Variants in RPH3AL observed in about 807,000 individuals in gnomAD.
The protein encoded by RPH3AL is rabphilin 3A like (without C2 domains).
A neutral mutation model predicts 43.1 loss-of-function variants in RPH3AL; 38 were observed. That is an observed-to-expected ratio of 0.88 (90% confidence interval 0.68 to 1.15). RPH3AL has a LOEUF of 1.15. Among genes scored for constraint, RPH3AL ranks in the 50% most tolerant of loss-of-function variants. RPH3AL has a pLI of 0.00. For synonymous variants in RPH3AL, 189 were observed against 176.3 expected (o/e 1.07, Z -0.57); for missense variants, 462 against 423.2 (o/e 1.09, Z -0.81).
intron 6 of RPH3AL, among the ~76,000 whole-genome samples, chr17:263,794 G>C (rs1341707820): frequency 6.6e-6 from 1 of 152,174 alleles, no homozygotes; most frequent in African/African-American, 2.4e-5. Context: ...GAGAACGTCG[G>C]TATGAGTTGG....
intron 6 of RPH3AL, among the ~76,000 whole-genome samples, chr17:250,232 ACCTCTCAGAGCCTTTACCAAGCTCCGTCG>A (rs2041863999): frequency 8.1e-6 from 1 of 123,930 alleles, no homozygotes; most frequent in Admixed American, 8.5e-5. Flanking sequence ...TCGCTGCGGG[ACCTCTCAGAGCCTTTACCAAGCTCCGTCG>A]CTGCGGGACC....
intron 6 of RPH3AL, among the ~76,000 whole-genome samples, chr17:276,838 G>A (rs1421219136): frequency 6.6e-6 from 1 of 152,090 alleles, no homozygotes; most frequent in Non-Finnish European, 1.5e-5. Flanking sequence ...GTGGCTGGTG[G>A]ACAACAGGGG....
At position 302,453 on chromosome 17, in the gene RPH3AL, C is replaced by T. The variant is rs142084904; in HGVS notation, c.351+16967G>A. Among the ~76,000 whole-genome samples, 87 of 152,324 alleles carry T rather than the reference C, an allele frequency of 5.7e-4. 1 individual carries two copies. The East Asian group carries it at 0.016, about 28-fold the overall frequency. ...AGGGAATGAACTTGAGCCACGCCTT[C>T]AGCTGGATTTCAGACGTGGGCAGGT... On this transcript the variant is annotated intron_variant, in intron 5 of 9. Transcript: ENST00000331302.
At chr17:219,141 C>T (rs143514404) in intron 8 of RPH3AL, among the ~76,000 whole-genome samples, 2 of 148,242 alleles carry the variant, frequency 1.3e-5, no homozygotes, top group Non-Finnish European at 3.0e-5. Flanking sequence ...TGGACACCCA[C>T]TGGGAAGCAG....
chr17:221,261 C>A (rs34424195), intron 7 of RPH3AL, among the ~76,000 whole-genome samples: 625 of 2,816 alleles, frequency 0.22, no homozygotes, highest in Non-Finnish European at 0.27. Context: ...TAGACCCAAG[C>A]ACAACAGCTC....
intron 7 of RPH3AL, among the ~76,000 whole-genome samples, chr17:226,047 C>T (rs746743380): frequency 3.3e-5 from 5 of 152,202 alleles, no homozygotes; most frequent in African/African-American, 9.6e-5. Flanking sequence ...TGTTATGAGT[C>T]GTGCATTTTA....
At position 289,493 on chromosome 17, in the gene RPH3AL, C is replaced by A. The variant is rs1482758871; in HGVS notation, c.352-7639G>T. ...CAAGGCCGCCCAGCAGATCTCTCTA[C>A]CCCACCGCGCTGTCCTCCAGCTGGT... On this transcript the variant is annotated intron_variant, in intron 5 of 9. Transcript: ENST00000331302. This position sits in a 1 kb window ranked among gnomAD's most constrained non-coding sequence, Gnocchi z 5.2. Among the ~76,000 whole-genome samples the A allele has an allele frequency of 1.3e-5, 2 of 152,172 alleles. No homozygotes were observed. Among genetic ancestry groups the A allele is most frequent in the Non-Finnish European group, 2.9e-5 (2 of 68,042 alleles).
At chr17:252,079 C>T (rs781982673) in intron 6 of RPH3AL, among the ~76,000 whole-genome samples, 2 of 151,588 alleles carry the variant, frequency 1.3e-5, no homozygotes, top group African/African-American at 2.4e-5. Context: ...TCAGGTGATC[C>T]TCCCACCTCA....
intron 6 of RPH3AL, among the ~76,000 whole-genome samples, chr17:252,530 G>A (rs534036786): frequency 1.8e-4 from 27 of 152,212 alleles, no homozygotes; most frequent in African/African-American, 5.8e-4. Flanking sequence ...CAGAGCAGTC[G>A]TTCCGAACTC....
intron 7 of RPH3AL, chr17:234,609 C>G: frequency 6.4e-6 from 1 of 155,104 alleles, no homozygotes; most frequent in Non-Finnish European, 1.4e-5. Flanking sequence ...ACAGACGGCA[C>G]CCACCTCCTG....
intron 7 of RPH3AL, among the ~76,000 whole-genome samples, chr17:241,596 T>C (rs1164059849): frequency 1.3e-5 from 2 of 152,104 alleles, no homozygotes; most frequent in East Asian, 1.9e-4. Context: ...TAAGAGCCTA[T>C]TTTTATTGCT....
chr17:277,980 C>A (rs1026865972), intron 6 of RPH3AL, among the ~76,000 whole-genome samples: 5 of 151,840 alleles, frequency 3.3e-5, no homozygotes, highest in Admixed American at 3.3e-4. Context: ...ATAAAAAAAA[C>A]CCCGAAACCC....
chr17:307,092 CGGCAGGCCCATCCCAT>C (rs1257214093), intron 5 of RPH3AL, among the ~76,000 whole-genome samples: 1 of 152,066 alleles, frequency 6.6e-6, no homozygotes, highest in Non-Finnish European at 1.5e-5. Context: ...GTCCTCCCCA[CGGCAGGCCCATCCCAT>C]GGCAGGCCTG....
At chr17:252,646 C>G (rs963143262) in intron 6 of RPH3AL, among the ~76,000 whole-genome samples, 18 of 152,282 alleles carry the variant, frequency 1.2e-4, no homozygotes, top group Non-Finnish European at 2.1e-4. Flanking sequence ...CTCGTCCTCA[C>G]GGGCAGCGCC....
intron 5 of RPH3AL, among the ~76,000 whole-genome samples, chr17:317,539 T>C (rs1173633159): frequency 4.0e-5 from 6 of 151,540 alleles, no homozygotes; most frequent in Non-Finnish European, 7.4e-5. Context: ...CTGAAGTCCC[T>C]GTGCCCCCAC....
rs1220601488 is a variant in RPH3AL, at chr17:264,504, G to C, written c.439-17219C>G. ...GGGGACTCAGAATCCGCAGCATGTTGACAGCAGGATTACCCTTCGGAGCCG... is the reference window on the plus strand; with the variant it reads ...GGGGACTCAGAATCCGCAGCATGTTCACAGCAGGATTACCCTTCGGAGCCG... On this transcript the variant is annotated intron_variant, in intron 6 of 9. Transcript: ENST00000331302. This position sits in a 1 kb window ranked among gnomAD's most constrained non-coding sequence, Gnocchi z 4.8. 6.6e-6 allele frequency among the ~76,000 whole-genome samples: 1 copy of C among 151,786 alleles called. No homozygotes were observed.
rs113674851 is a variant in RPH3AL, at chr17:235,381, T to C, written c.613+11730A>G. Among the ~76,000 whole-genome samples, 167 of 90,856 alleles carry C rather than the reference T, an allele frequency of 1.8e-3. 1 individual carries two copies. Among genetic ancestry groups the C allele is most frequent in the Middle Eastern group, 7.9e-3 (1 of 126 alleles). The allele number at this position is 90,856 out of a possible 152,430, so 59.6% of individuals were successfully genotyped here. ...TCAAAGCTGGGGTCGGCCGAGGCTCTACACTAACAAGACAGGTCCCGGGTT... is the reference window on the plus strand; with the variant it reads ...TCAAAGCTGGGGTCGGCCGAGGCTCCACACTAACAAGACAGGTCCCGGGTT... On this transcript the variant is annotated intron_variant, in intron 7 of 9. Transcript: ENST00000331302.
At chr17:213,979 C>G (rs2040731994) in intron 9 of RPH3AL, 56 bp from the exon 10 acceptor site, 2 of 1,348,964 alleles carry the variant, frequency 1.5e-6, no homozygotes, top group Admixed American at 3.8e-5. Flanking sequence ...TCCCTCCCTC[C>G]CCGGTGACAG....
intron 7 of RPH3AL, among the ~76,000 whole-genome samples, chr17:229,061 T>G (rs2041167688): frequency 6.6e-6 from 1 of 152,214 alleles, no homozygotes; most frequent in South Asian, 2.1e-4. Context: ...CCTATACATA[T>G]TTTTAAAAAA....
Sources: gnomAD v4.1 joint callset for allele counts (sites outside exome capture counted in the v4.1 genomes callset) on GRCh38, gnomAD v4.1.1 for gene constraint, Gnocchi (gnomAD v3.1) non-coding constraint, MANE v1.5 for transcripts, NCBI Gene and HGNC (gene_info 2026-07-23, HGNC 2026-07-21) for gene names.